The following FRMD6 variants were observed in gnomAD, a reference collection of about 807,000 sequenced individuals.
The protein encoded by FRMD6 is FERM domain-containing protein 6.
Under a neutral mutation model 73.2 loss-of-function variants are expected in FRMD6, and 37 were observed. The observed-to-expected ratio is 0.51, with a 90% confidence interval of 0.39 to 0.66. The LOEUF is 0.66. FRMD6 is among the 30% of genes least tolerant of loss of function. The probability of loss-of-function intolerance (pLI) is 0.00; values close to 1 mark genes in which losing one functional copy is unlikely to be tolerated. For synonymous variants in FRMD6, 273 were observed against 282.2 expected, an observed-to-expected ratio of 0.97 and a Z score of 0.33; for missense variants, 714 against 780.5, an observed-to-expected ratio of 0.91 and a Z score of 1.02.
intron 2 of FRMD6, among the ~76,000 whole-genome samples, chr14:51,627,916 T>C (rs1891176884): frequency 6.6e-6 from 1 of 152,246 alleles, no homozygotes; most frequent in Non-Finnish European, 1.5e-5. Flanking sequence ...GTTCCTGATA[T>C]AAAATGGTAT....
chr14:51,633,636 T>G (rs548293569), intron 2 of FRMD6, among the ~76,000 whole-genome samples: 1 of 148,198 alleles, frequency 6.7e-6, no homozygotes, highest in South Asian at 2.1e-4. Context: ...TAATTATATG[T>G]CATAGTTTAA....
intron 2 of FRMD6, among the ~76,000 whole-genome samples, chr14:51,585,939 G>GTGTGTGTGTGTGTGTGTGTGTGTGTATA: frequency 1.6e-4 from 5 of 31,398 alleles, no homozygotes; most frequent in African/African-American, 3.4e-4. Context: ...GTGTGTGTGT[G>GTGTGTGTGTGTGTGTGTGTGTGTGTATA]TATATATATA....
At chr14:51,397,747 G>A in the FRMD6 span, among the ~76,000 whole-genome samples, 1 of 152,154 alleles carries the variant, frequency 6.6e-6, no homozygotes, top group South Asian at 2.1e-4. Context: ...CTCACCTCGT[G>A]TGATGAGTTG....
At chr14:51,593,101 T>C (rs1719371168) in intron 2 of FRMD6, among the ~76,000 whole-genome samples, 1 of 152,214 alleles carries the variant, frequency 6.6e-6, no homozygotes, top group African/African-American at 2.4e-5. Flanking sequence ...CTTCTTATTT[T>C]TTATGGCATC....
At chr14:51,460,132 A>G in the FRMD6 span, among the ~76,000 whole-genome samples, 1 of 152,156 alleles carries the variant, frequency 6.6e-6, no homozygotes, top group African/African-American at 2.4e-5. Flanking sequence ...AACAGCTGCT[A>G]TATGCCAGAA....
At chr14:51,600,464 G>A (rs1005543523) in intron 2 of FRMD6, among the ~76,000 whole-genome samples, 1 of 152,206 alleles carries the variant, frequency 6.6e-6, no homozygotes, top group African/African-American at 2.4e-5. Context: ...AGGGAGAAGA[G>A]TTCACTGTGA....
At chr14:51,489,059 G>C (rs531452106), upstream of FRMD6, 2 of 152,336 alleles carry the variant, frequency 1.3e-5, no homozygotes, top group African/African-American at 4.8e-5. Context: ...TTGTGAAGGG[G>C]CAATGTAGCA....
chr14:51,581,509 A>G (rs1888722825), intron 2 of FRMD6, among the ~76,000 whole-genome samples: 1 of 152,244 alleles, frequency 6.6e-6, no homozygotes, highest in African/African-American at 2.4e-5. Flanking sequence ...AGGCATTTAC[A>G]GTGCATATCC....
Position 51,510,930 on chromosome 14 carries a change from C to A in FRMD6, c.-210+21510C>A, listed in dbSNP as rs978467536. ...TGCCCTGCTCTGTCTTTCTTCCTTTCGTCTCTGCTCAGGGTCCACCTGAGG... is the reference window on the plus strand; with the variant it reads ...TGCCCTGCTCTGTCTTTCTTCCTTTAGTCTCTGCTCAGGGTCCACCTGAGG... On this transcript the variant is annotated intron_variant, in intron 1 of 14. Transcript: ENST00000356218. Among the ~76,000 whole-genome samples, 24 of 152,136 alleles carry A rather than the reference C, an allele frequency of 1.6e-4. 1 individual carries two copies. The highest frequency in any genetic ancestry group is 5.3e-4 in the African/African-American group (22 of 41,414).
chr14:51,542,033 T>A (rs937979113), intron 1 of FRMD6, among the ~76,000 whole-genome samples: 13 of 152,074 alleles, frequency 8.5e-5, no homozygotes, highest in Admixed American at 5.2e-4. Flanking sequence ...CTGCATCACG[T>A]TACTGTGGTA....
chr14:51,409,353 T>A, the FRMD6 span, among the ~76,000 whole-genome samples: 1 of 150,072 alleles, frequency 6.7e-6, no homozygotes, highest in East Asian at 2.0e-4. Flanking sequence ...TTTTTTTTTT[T>A]TTTTTTTTGC....
intron 1 of FRMD6, among the ~76,000 whole-genome samples, chr14:51,495,292 C>A (rs1220748346): frequency 2.0e-5 from 3 of 152,222 alleles, no homozygotes; most frequent in African/African-American, 7.2e-5. Flanking sequence ...ATTCTGTTCA[C>A]AACAACCACT....
rs758699519 is a variant in FRMD6 at position 51,720,051 on chromosome 14, G to A, written c.1025-4G>A. On this transcript the variant is annotated splice_polypyrimidine_tract_variant and splice_region_variant and intron_variant, in intron 10 of 13. Transcript: ENST00000344768. ...GTTAATGAACTGTGTTCCCCACCAC[G>A]TAGAGAAGAAGCAGTACCGGGAATC... 7.5e-6 allele frequency: 12 copies of A among 1,605,820 alleles called. No individual in the cohort carries two copies. Among genetic ancestry groups the A allele is most frequent in the Admixed American group, 6.7e-5 (4 of 59,586 alleles).
intron 2 of FRMD6, among the ~76,000 whole-genome samples, chr14:51,591,998 A>G (rs113142335): frequency 6.6e-4 from 101 of 152,340 alleles, no homozygotes; most frequent in African/African-American, 2.1e-3. Context: ...GTCTCACACT[A>G]TCATGCAAAG....
At chr14:51,658,802 C>G (rs1893015688) in intron 1 of FRMD6, among the ~76,000 whole-genome samples, 1 of 152,024 alleles carries the variant, frequency 6.6e-6, no homozygotes, top group Non-Finnish European at 1.5e-5. Context: ...TTATGTTTCC[C>G]TAAAGAATAA....
At chr14:51,402,594 C>T in the FRMD6 span, among the ~76,000 whole-genome samples, 1 of 151,972 alleles carries the variant, frequency 6.6e-6, no homozygotes, top group East Asian at 1.9e-4. Flanking sequence ...CATTAAACCT[C>T]TTTCTTTTGT....
upstream of FRMD6, among the ~76,000 whole-genome samples, chr14:51,487,068 A>T (rs536060540): frequency 4.2e-4 from 64 of 152,152 alleles, no homozygotes; most frequent in Admixed American, 1.4e-3. Context: ...AGAAACTCTC[A>T]GTATGGGTTT....
chr14:51,726,751 A>C (rs1312660044), intron 13 of FRMD6, among the ~76,000 whole-genome samples: 1 of 152,110 alleles, frequency 6.6e-6, no homozygotes, highest in East Asian at 1.9e-4. Flanking sequence ...GGGATGACCA[A>C]ATGATTCTAT....
Position 51,582,790 on chromosome 14 carries a change from C to T in FRMD6, c.-147+12380C>T, listed in dbSNP as rs566008500. Among the ~76,000 whole-genome samples the T allele has an allele frequency of 1.6e-4, 24 of 152,222 alleles. No individual in the cohort carries two copies. In the South Asian group the frequency reaches 5.0e-3, roughly 32 times the overall value. The stretch of plus-strand genomic sequence containing the variant: ...CCTTCTGGAGCACTTCTTAAGGGAG[C>T]TTGGTTGCTTTATTGGAAATTCGTA... On this transcript the variant is annotated intron_variant, in intron 2 of 14. Coordinates refer to the FRMD6 transcript ENST00000356218.
Sources: gnomAD v4.1 joint callset for allele counts (sites outside exome capture counted in the v4.1 genomes callset) on GRCh38, gnomAD v4.1.1 for gene constraint, MANE v1.5 for transcripts, NCBI Gene and HGNC (gene_info 2026-07-23, HGNC 2026-07-21) for gene names.